Variants in NFIB observed in about 807,000 individuals in gnomAD.
NFIB encodes nuclear factor 1 B-type.
In NFIB, 11 loss-of-function variants were observed where a neutral mutation model predicts 61.5. That is an observed-to-expected ratio of 0.18 (90% CI 0.11 to 0.30). NFIB has a LOEUF of 0.30. NFIB is among the 10% of genes least tolerant of loss of function. NFIB has a pLI of 1.00. For missense variants in NFIB, 471 were observed against 608.9 expected, an observed-to-expected ratio of 0.77 and a Z score of 2.38; for synonymous variants, 260 against 216.5, an observed-to-expected ratio of 1.20 and a Z score of -1.76.
chr9:14,441,309 T>C, the NFIB span, among the ~76,000 whole-genome samples: 1 of 152,192 alleles, frequency 6.6e-6, no homozygotes, highest in Non-Finnish European at 1.5e-5. Context: ...AGTTTGTGAT[T>C]CTCCAAACTG....
the NFIB span, among the ~76,000 whole-genome samples, chr9:14,412,866 G>C: frequency 1.6e-4 from 25 of 152,114 alleles, no homozygotes; most frequent in Non-Finnish European, 3.4e-4. Context: ...TTCAGAGGAG[G>C]CTAAAAGTTC....
At chr9:14,385,218 A>C (rs1403236538) in intron 1 of NFIB, among the ~76,000 whole-genome samples, 1 of 152,184 alleles carries the variant, frequency 6.6e-6, no homozygotes, top group African/African-American at 2.4e-5. Context: ...CGATGAGGAA[A>C]CTAAAGTTCA....
At chr9:14,261,624 T>C (rs1393822004) in intron 2 of NFIB, among the ~76,000 whole-genome samples, 2 of 152,134 alleles carry the variant, frequency 1.3e-5, no homozygotes, top group Non-Finnish European at 2.9e-5. Flanking sequence ...GTACAGATGC[T>C]TATATACACT....
rs553240960 is a variant in NFIB, at chr9:14,260,903, T to C, written c.562+46086A>G. The stretch of plus-strand genomic sequence containing the variant: ...TGGTGGCAAAAGGTAGCCACATCAT[T>C]GGTTCTTGCCTCTCCATCACAATAT... On this transcript the variant is annotated intron_variant, in intron 2 of 10. Transcript: ENST00000380953. Among the ~76,000 whole-genome samples, 236 of 152,332 alleles carry C rather than the reference T, an allele frequency of 1.5e-3. 3 individuals carry two copies. Among genetic ancestry groups the C allele is most frequent in the Middle Eastern group, 3.4e-3 (1 of 294 alleles).
intron 1 of NFIB, among the ~76,000 whole-genome samples, chr9:14,388,223 T>C (rs1401674489): frequency 6.6e-6 from 1 of 151,920 alleles, no homozygotes; most frequent in Non-Finnish European, 1.5e-5. Context: ...AAAAGAAAAA[T>C]GCAGCCAGGT....
At chr9:14,445,826 T>G in the NFIB span, among the ~76,000 whole-genome samples, 1 of 152,200 alleles carries the variant, frequency 6.6e-6, no homozygotes, top group East Asian at 1.9e-4. Flanking sequence ...CATTTACATA[T>G]TTGTCACTTT....
the NFIB span, among the ~76,000 whole-genome samples, chr9:14,439,377 G>A: frequency 1.3e-5 from 2 of 152,154 alleles, no homozygotes; most frequent in Non-Finnish European, 2.9e-5. Flanking sequence ...CTACTTGAAG[G>A]TCTGGGGCTG....
chr9:14,336,479 G>A (rs1344760384), intron 1 of NFIB, among the ~76,000 whole-genome samples: 1 of 152,172 alleles, frequency 6.6e-6, no homozygotes, highest in South Asian at 2.1e-4. Flanking sequence ...AAGGAGGAGA[G>A]CCACCTATTT....
At chr9:14,412,203 ACATATGGTCT>A in the NFIB span, among the ~76,000 whole-genome samples, 1 of 152,194 alleles carries the variant, frequency 6.6e-6, no homozygotes, top group Non-Finnish European at 1.5e-5. Flanking sequence ...TAAAGTACTT[ACATATGGTCT>A]TAGATTGTCC....
In NFIB at chr9:14,146,104, C is replaced by T. The variant is rs545698564; in HGVS notation, c.925+585G>A. Among the ~76,000 whole-genome samples the T allele has an allele frequency of 5.5e-3, 838 of 152,116 alleles. 6 individuals carry two copies. Among genetic ancestry groups the T allele is most frequent in the Middle Eastern group, 0.024 (7 of 294 alleles). On this transcript the variant is annotated intron_variant, in intron 6 of 10. Coordinates refer to ENST00000380953, the MANE Select transcript of NFIB (RefSeq NM_001190737.2). ...AAGAAGAGCTAAGTCTCAATCCTTC[C>T]GGGTCTCAATACCCATTTCTTAAAG...
chr9:14,298,698 T>C (rs942521204), intron 2 of NFIB, among the ~76,000 whole-genome samples: 1 of 152,194 alleles, frequency 6.6e-6, no homozygotes, highest in Non-Finnish European at 1.5e-5. Context: ...TTTTGTCAGC[T>C]ATTACCATTA....
At chr9:14,463,229 G>A in the NFIB span, among the ~76,000 whole-genome samples, 2 of 151,322 alleles carry the variant, frequency 1.3e-5, no homozygotes, top group Non-Finnish European at 2.9e-5. Flanking sequence ...TATGGTAATA[G>A]CAAGAAAAGC....
chr9:14,477,618 G>A, the NFIB span, among the ~76,000 whole-genome samples: 7 of 152,154 alleles, frequency 4.6e-5, no homozygotes, highest in African/African-American at 1.7e-4. Context: ...GGCTGTTCTG[G>A]TAATGCATGA....
chr9:14,440,209 G>C, the NFIB span, among the ~76,000 whole-genome samples: 1 of 152,158 alleles, frequency 6.6e-6, no homozygotes, highest in East Asian at 1.9e-4. Flanking sequence ...CTCTGCAAGG[G>C]GCCAGCTGTG....
At chr9:14,311,031 A>T (rs1367432830) in intron 1 of NFIB, among the ~76,000 whole-genome samples, 1 of 152,138 alleles carries the variant, frequency 6.6e-6, no homozygotes, top group Non-Finnish European at 1.5e-5. Context: ...ATTGAAAGTT[A>T]TATTATTAAT....
chr9:14,424,710 G>A, the NFIB span, among the ~76,000 whole-genome samples: 1 of 152,180 alleles, frequency 6.6e-6, no homozygotes, highest in Non-Finnish European at 1.5e-5. Flanking sequence ...GCAGAGCTCC[G>A]AGGGCGGGTT....
intron 7 of NFIB, among the ~76,000 whole-genome samples, chr9:14,123,344 ATGTG>A (rs1045523232): frequency 2.0e-5 from 3 of 152,198 alleles, no homozygotes; most frequent in Admixed American, 6.5e-5. Flanking sequence ...ATACACATGT[ATGTG>A]TATTTCTTGC....
intron 1 of NFIB, among the ~76,000 whole-genome samples, chr9:14,311,750 T>C (rs1214959324): frequency 1.3e-5 from 2 of 152,206 alleles, no homozygotes; most frequent in Admixed American, 1.3e-4. Flanking sequence ...GAAAAGCTGA[T>C]GTTAGAAATA....
At chr9:14,295,118 G>A (rs556499344) in intron 2 of NFIB, among the ~76,000 whole-genome samples, 38 of 152,334 alleles carry the variant, frequency 2.5e-4, no homozygotes, top group African/African-American at 8.9e-4. Context: ...ATTTCCTACG[G>A]AGCTCATTTA....
Sources: gnomAD v4.1 joint callset for allele counts (sites outside exome capture counted in the v4.1 genomes callset) on GRCh38, gnomAD v4.1.1 for gene constraint, MANE v1.5 for transcripts, NCBI Gene and HGNC (gene_info 2026-07-23, HGNC 2026-07-21) for gene names.